Variants in EIF2AK2 observed in about 807,000 individuals in gnomAD.
EIF2AK2 encodes interferon-induced, double-stranded RNA-activated protein kinase.
In EIF2AK2, 40 loss-of-function variants were observed where a neutral mutation model predicts 70.5. The observed-to-expected ratio is 0.57, with a 90% confidence interval of 0.44 to 0.74. EIF2AK2 has a LOEUF of 0.74. EIF2AK2 is among the 30% of genes least tolerant of loss of function. The pLI, the probability that EIF2AK2 is intolerant of heterozygous loss-of-function variation, is 0.00. For missense variants in EIF2AK2, 555 were observed against 644.3 expected (o/e 0.86, Z 1.50); for synonymous variants, 198 against 220.9 (o/e 0.90, Z 0.92).
rs1015267714 is a variant in EIF2AK2, at chr2:37,102,556, C to T, written c.*4717G>A. The T allele has an allele frequency of 6.6e-6, 1 of 152,076 alleles. No individual in the cohort carries two copies. Among genetic ancestry groups the T allele is most frequent in the Non-Finnish European group, 1.5e-5 (1 of 68,024 alleles). The allele number at this position is 152,076 out of a possible 1,614,324, so 9.4% of individuals were successfully genotyped here. ...AGACCTGGAAAAGCTTGTATGTAGC[C>T]TTTTAAACATTTCTTCTCAGATACA... On this transcript the variant is annotated 3_prime_UTR_variant, in exon 17 of 17. Transcript: ENST00000233057.
At position 37,106,111 on chromosome 2, in the gene EIF2AK2, A is replaced by G. The variant is rs1673956911; in HGVS notation, c.*1162T>C. 1 of 152,156 alleles carries G rather than the reference A, an allele frequency of 6.6e-6. No individual in the cohort carries two copies. The highest frequency in any genetic ancestry group is 6.5e-5 in the Admixed American group (1 of 15,272). The allele number at this position is 152,156 out of a possible 1,614,324, so 9.4% of individuals were successfully genotyped here. On this transcript the variant is annotated 3_prime_UTR_variant, in exon 17 of 17. Transcript: ENST00000233057. ...CCAATCACATCATTCCCCTCCCTCA[A>G]AGATAACCACCATCCAGAATTTAAT...
rs1349654395 is a variant in EIF2AK2, at chr2:37,139,877, AT to A, written c.390-121del. ...AAGATAACACCAATTTATTAGATAG[AT>A]TTATAGTTCATATCTTGCATAATTT... is the stretch of plus-strand genomic sequence containing the variant. On this transcript the variant is annotated intron_variant, in intron 5 of 16. Coordinates refer to ENST00000233057, the MANE Select transcript of EIF2AK2 (RefSeq NM_001135651.3). 4.8e-6 allele frequency: 5 copies of A among 1,035,726 alleles called. No homozygotes were observed. In the African/African-American group the frequency reaches 8.2e-5, roughly 17 times the overall value. The allele number at this position is 1,035,726 out of a possible 1,614,324, so 64.2% of individuals were successfully genotyped here.
intron 3 of EIF2AK2, among the ~76,000 whole-genome samples, chr2:37,147,406 C>T (rs967591314): frequency 2.6e-5 from 4 of 151,160 alleles, no homozygotes; most frequent in African/African-American, 9.7e-5. Context: ...TGGTGTGCTG[C>T]ACCCATTAAC....
At chr2:37,123,192 C>A (rs190865036) in intron 11 of EIF2AK2, among the ~76,000 whole-genome samples, 13 of 151,702 alleles carry the variant, frequency 8.6e-5, no homozygotes, top group African/African-American at 2.7e-4. Context: ...TAAAAGGCAG[C>A]GACTTAATGC....
chr2:37,115,356 C>T (rs1013557040), intron 13 of EIF2AK2: 1 of 153,930 alleles, frequency 6.5e-6, no homozygotes, highest in Admixed American at 6.5e-5. Flanking sequence ...GCCACCACGC[C>T]TGGACAGAAG....
At chr2:37,140,477 T>C (rs1241762992) in intron 5 of EIF2AK2, among the ~76,000 whole-genome samples, 1 of 152,210 alleles carries the variant, frequency 6.6e-6, no homozygotes, top group African/African-American at 2.4e-5. Context: ...GCTTTATGTT[T>C]CTGTTGGAAG....
chr2:37,133,952 C>A (rs1257414639), intron 10 of EIF2AK2, among the ~76,000 whole-genome samples: 1 of 152,180 alleles, frequency 6.6e-6, no homozygotes, highest in Admixed American at 6.5e-5. Flanking sequence ...CTCACCGATA[C>A]AACCACTCCT....
intron 1 of EIF2AK2, among the ~76,000 whole-genome samples, chr2:37,153,274 C>T (rs1675808628): frequency 6.6e-6 from 1 of 151,002 alleles, no homozygotes; most frequent in Non-Finnish European, 1.5e-5. Flanking sequence ...TCTTTCCAAA[C>T]AGAAAGTGTG....
intron 11 of EIF2AK2, among the ~76,000 whole-genome samples, chr2:37,124,486 C>G (rs1674665336): frequency 6.6e-6 from 1 of 152,048 alleles, no homozygotes; most frequent in African/African-American, 2.4e-5. Context: ...GCCTCAGTCT[C>G]TTGACCTCGT....
At chr2:37,138,470 T>C in intron 7 of EIF2AK2, 39 bp downstream of exon 7, 1 of 1,608,522 alleles carries the variant, frequency 6.2e-7, no homozygotes, top group South Asian at 1.1e-5. Flanking sequence ...GACAGAAATA[T>C]GAATATGTTA....
intron 13 of EIF2AK2, among the ~76,000 whole-genome samples, chr2:37,118,996 AG>A (rs1339943346): frequency 1.3e-5 from 2 of 152,182 alleles, no homozygotes; most frequent in Non-Finnish European, 2.9e-5. Flanking sequence ...TTACAACCAA[AG>A]GGGGCAGGCA....
intron 1 of EIF2AK2, among the ~76,000 whole-genome samples, chr2:37,152,568 A>G (rs1469064337): frequency 6.6e-6 from 1 of 152,092 alleles, no homozygotes; most frequent in Non-Finnish European, 1.5e-5. Context: ...GGTGTGGGCC[A>G]CCACGCCTGG....
chr2:37,119,131 GCTATT>G (rs1674445495), intron 13 of EIF2AK2, among the ~76,000 whole-genome samples: 1 of 152,136 alleles, frequency 6.6e-6, no homozygotes, highest in East Asian at 1.9e-4. Flanking sequence ...GCTGTGAAGG[GCTATT>G]CTGTCTCTCA....
At chr2:37,119,890 C>G in intron 13 of EIF2AK2, 69 bp downstream of exon 13, 1 of 942,452 alleles carries the variant, frequency 1.1e-6, no homozygotes, top group Middle Eastern at 4.2e-4. Flanking sequence ...CTGTGCCCAG[C>G]TGAGAAGATA....
intron 11 of EIF2AK2, among the ~76,000 whole-genome samples, chr2:37,123,050 C>T (rs918298383): frequency 1.3e-5 from 2 of 151,890 alleles, no homozygotes; most frequent in African/African-American, 4.8e-5. Context: ...TGTCTGTAAT[C>T]CCAGCTACTT....
In EIF2AK2 at chr2:37,139,777, G is replaced by T; in HGVS notation, c.390-20C>A. ...TGAAATCTAGGAGAAATCATAGAAG[G>T]TACTTATCCAAACATGAAAAATATA... On this transcript the variant is annotated intron_variant, in intron 5 of 16. Transcript: ENST00000233057. The T allele has an allele frequency of 1.3e-6, 2 of 1,590,908 alleles. No homozygotes were observed. The highest frequency in any genetic ancestry group is 1.7e-6 in the Non-Finnish European group (2 of 1,172,372).
intron 1 of EIF2AK2, among the ~76,000 whole-genome samples, chr2:37,154,318 T>C (rs1675845757): frequency 7.6e-6 from 1 of 131,868 alleles, no homozygotes; most frequent in Admixed American, 7.6e-5. Flanking sequence ...AGAGCGAAAC[T>C]CCGTCTCAAA....
Position 37,106,245 on chromosome 2 carries a change from CT to C in EIF2AK2, c.*1027del, listed in dbSNP as rs1259304212. The C allele has an allele frequency of 8.5e-5, 13 of 152,094 alleles. No homozygotes were observed. The highest frequency in any genetic ancestry group is 8.5e-4 in the Admixed American group (13 of 15,258). 9.4% of individuals were successfully genotyped at this position (152,094 alleles called of 1,614,324 possible). On this transcript the variant is annotated 3_prime_UTR_variant, in exon 17 of 17. Transcript: ENST00000233057. Reference sequence around the variant, plus strand: ...GGAACTTTATATAAATGGAATTATTCTGCATATATTTTCTGAAAACCTGCTT... The same window carrying C: ...GGAACTTTATATAAATGGAATTATTCGCATATATTTTCTGAAAACCTGCTT...
chr2:37,112,904 C>A (rs1394091391), intron 14 of EIF2AK2, among the ~76,000 whole-genome samples: 1 of 152,176 alleles, frequency 6.6e-6, no homozygotes, highest in East Asian at 1.9e-4. Context: ...ACCCATTAAA[C>A]AAGAAGTTCC....
Sources: gnomAD v4.1 joint callset for allele counts (sites outside exome capture counted in the v4.1 genomes callset) on GRCh38, gnomAD v4.1.1 for gene constraint, MANE v1.5 for transcripts, NCBI Gene and HGNC (gene_info 2026-07-23, HGNC 2026-07-21) for gene names.